AUTS2: variants seen among roughly 807,000 people sequenced by gnomAD.
The protein encoded by AUTS2 is activator of transcription and developmental regulator AUTS2.
In AUTS2, 17 loss-of-function variants were observed where a neutral mutation model predicts 112.4. The observed-to-expected ratio is 0.15, with a 90% CI of 0.10 to 0.23. The LOEUF (loss-of-function observed/expected upper bound fraction) is 0.23. AUTS2 is among the 10% of genes least tolerant of loss of function. The pLI, the probability that AUTS2 is intolerant of heterozygous loss-of-function variation, is 1.00. For synonymous variants in AUTS2, 751 were observed against 702.7 expected, an observed-to-expected ratio of 1.07 and a Z score of -1.09; for missense variants, 1,510 against 1,701.6, an observed-to-expected ratio of 0.89 and a Z score of 1.98.
intron 5 of AUTS2, among the ~76,000 whole-genome samples, chr7:70,444,373 T>TGTGTGAGAGAGAGA (rs372696006): frequency 4.9e-5 from 7 of 142,442 alleles, no homozygotes; most frequent in African/African-American, 1.9e-4. Flanking sequence ...TGTGTGTGTG[T>TGTGTGAGAGAGAGA]GAGAGAGAGA....
At chr7:69,659,586 T>G (rs1042110066) in intron 1 of AUTS2, among the ~76,000 whole-genome samples, 162 of 142,600 alleles carry the variant, frequency 1.1e-3, no homozygotes, top group African/African-American at 3.8e-3. Flanking sequence ...CTTAGTTGTT[T>G]TTTTTTTTTT....
At chr7:70,496,186 C>A (rs1429560909) in intron 5 of AUTS2, among the ~76,000 whole-genome samples, 3 of 118,298 alleles carry the variant, frequency 2.5e-5, no homozygotes, top group Admixed American at 8.5e-5. Context: ...CACACACACC[C>A]CACACATGCA....
chr7:70,645,804 C>G (rs763538038), intron 5 of AUTS2, among the ~76,000 whole-genome samples: 6 of 152,184 alleles, frequency 3.9e-5, no homozygotes, highest in Non-Finnish European at 8.8e-5. Flanking sequence ...AGAGCAGTTA[C>G]AGCAATTAAG....
At chr7:70,650,959 T>C (rs1806472550) in intron 5 of AUTS2, among the ~76,000 whole-genome samples, 1 of 152,182 alleles carries the variant, frequency 6.6e-6, no homozygotes, top group Non-Finnish European at 1.5e-5. Context: ...AAGAGAATGA[T>C]TTCAATGGAC....
chr7:70,728,123 C>T (rs1362155924), intron 6 of AUTS2, among the ~76,000 whole-genome samples: 1 of 152,052 alleles, frequency 6.6e-6, no homozygotes, highest in African/African-American at 2.4e-5. Context: ...CCCAACAGGC[C>T]GTGTTTTAGG....
At chr7:69,609,075 C>G (rs977841939) in intron 1 of AUTS2, among the ~76,000 whole-genome samples, 1 of 152,144 alleles carries the variant, frequency 6.6e-6, no homozygotes, top group African/African-American at 2.4e-5. Flanking sequence ...TGATGTAGTT[C>G]TACCTCTCAT....
intron 2 of AUTS2, among the ~76,000 whole-genome samples, chr7:69,995,989 AG>A (rs1798929050): frequency 6.6e-6 from 1 of 152,210 alleles, no homozygotes; most frequent in Non-Finnish European, 1.5e-5. Flanking sequence ...TTGGAAGCGA[AG>A]TACTTTCCAA....
intron 2 of AUTS2, among the ~76,000 whole-genome samples, chr7:70,003,213 T>TA (rs1417569745): frequency 6.7e-5 from 9 of 135,102 alleles, no homozygotes; most frequent in South Asian, 2.2e-4. Context: ...TATATGAATA[T>TA]ATTATATATG....
rs561370162 is a variant in AUTS2, at chr7:69,917,753, A to G, written c.522+18255A>G. ...TTAGCTCCCACTTATAAGTGAGAACATAGGGTATTTGGTTTTACATTCCTG... is the reference window on the plus strand; with the variant it reads ...TTAGCTCCCACTTATAAGTGAGAACGTAGGGTATTTGGTTTTACATTCCTG... On this transcript the variant is annotated intron_variant, in intron 2 of 18. Transcript: ENST00000342771. 4.6e-5 allele frequency among the ~76,000 whole-genome samples: 7 copies of G among 152,284 alleles called. 1 individual carries two copies. In the South Asian group the frequency reaches 1.5e-3, roughly 32 times the overall value.
chr7:70,615,565 C>CCTGTTGTTG (rs368083140), intron 5 of AUTS2, among the ~76,000 whole-genome samples: 1 of 148,590 alleles, frequency 6.7e-6, no homozygotes, highest in African/African-American at 2.5e-5. Flanking sequence ...AGATTTATGG[C>CCTGTTGTTG]TTGTTGTTGT....
intron 1 of AUTS2, among the ~76,000 whole-genome samples, chr7:69,739,657 C>T (rs956930050): frequency 6.6e-6 from 1 of 152,202 alleles, no homozygotes; most frequent in African/African-American, 2.4e-5. Flanking sequence ...ATCTCCCACC[C>T]ACCTCATCTT....
chr7:70,739,751 C>T (rs1416611990), intron 6 of AUTS2, among the ~76,000 whole-genome samples: 2 of 150,540 alleles, frequency 1.3e-5, no homozygotes, highest in Non-Finnish European at 2.9e-5. Flanking sequence ...GCTTGAACAT[C>T]CCTGAGACGC....
chr7:69,993,812 A>G (rs1406025199), intron 2 of AUTS2, among the ~76,000 whole-genome samples: 1 of 152,038 alleles, frequency 6.6e-6, no homozygotes, highest in African/African-American at 2.4e-5. Context: ...GTATGTTTTT[A>G]TTTCTTTCTA....
chr7:70,719,044 T>C (rs1810527899), intron 6 of AUTS2, among the ~76,000 whole-genome samples: 1 of 152,156 alleles, frequency 6.6e-6, no homozygotes, highest in Admixed American at 6.5e-5. Context: ...ATTGAGTACT[T>C]ACTATGAGAT....
At chr7:70,185,257 CT>C (rs35215443) in intron 4 of AUTS2, among the ~76,000 whole-genome samples, 8,175 of 87,052 alleles carry the variant, frequency 0.094, 330 homozygotes, top group Middle Eastern at 0.14. Context: ...TGACATTAAA[CT>C]TTTTTTTTTT....
intron 5 of AUTS2, among the ~76,000 whole-genome samples, chr7:70,447,605 C>G (rs1401747593): frequency 6.6e-6 from 1 of 152,186 alleles, no homozygotes; most frequent in Admixed American, 6.5e-5. Context: ...GGTTTCAAAC[C>G]CAGGTCAGTG....
chr7:69,815,749 G>T (rs989016634), intron 1 of AUTS2, among the ~76,000 whole-genome samples: 2 of 152,146 alleles, frequency 1.3e-5, no homozygotes, highest in Non-Finnish European at 2.9e-5. Context: ...CCTTGACCTC[G>T]TGATCCACCT....
At chr7:70,307,137 A>G (rs1789529308) in intron 4 of AUTS2, among the ~76,000 whole-genome samples, 1 of 152,246 alleles carries the variant, frequency 6.6e-6, no homozygotes, top group Non-Finnish European at 1.5e-5. Flanking sequence ...GGAAACCATC[A>G]TGTTTTTAAA....
chr7:69,806,452 T>G (rs982361405), intron 1 of AUTS2, among the ~76,000 whole-genome samples: 1 of 151,818 alleles, frequency 6.6e-6, no homozygotes, highest in African/African-American at 2.4e-5. Flanking sequence ...TGAGCTACAC[T>G]CTGTTTGTGT....
Sources: allele counts gnomAD v4.1 joint callset (sites outside exome capture counted in the v4.1 genomes callset), GRCh38; gene constraint gnomAD v4.1.1; transcripts MANE v1.5; gene names NCBI Gene and HGNC (gene_info 2026-07-23, HGNC 2026-07-21).